The following CRLF3 variants were observed in gnomAD, a reference collection of about 807,000 sequenced individuals.
The protein encoded by CRLF3 is cytokine receptor-like factor 3.
In CRLF3, 33 loss-of-function variants were observed where a neutral mutation model predicts 55.0. The ratio of observed to expected loss-of-function variants is 0.60; its 90% CI spans 0.46 to 0.80. The LOEUF is 0.80. CRLF3 is among the 30% of genes least tolerant of loss of function. CRLF3 has a pLI of 0.00. For missense variants in CRLF3, 494 were observed against 538.4 expected (o/e 0.92, Z 0.82); for synonymous variants, 238 against 196.8 (o/e 1.21, Z -1.75).
At chr17:30,824,122 C>A (rs1206664471) in intron 1 of CRLF3, among the ~76,000 whole-genome samples, 1 of 151,990 alleles carries the variant, frequency 6.6e-6, no homozygotes, top group African/African-American at 2.4e-5. Context: ...TGTCCCACCT[C>A]TTCCTCAGGC....
At chr17:30,810,278 G>C (rs1413646991) in intron 1 of CRLF3, among the ~76,000 whole-genome samples, 2 of 152,066 alleles carry the variant, frequency 1.3e-5, no homozygotes, top group African/African-American at 4.8e-5. Flanking sequence ...CAAAGTTTTG[G>C]CCTGAGCACA....
chr17:30,798,615 G>A (rs1362892152), intron 2 of CRLF3, among the ~76,000 whole-genome samples: 1 of 151,926 alleles, frequency 6.6e-6, no homozygotes, highest in Non-Finnish European at 1.5e-5. Flanking sequence ...GAGGCTGGTG[G>A]GTCACCTGGG....
chr17:30,800,015 C>T lies in CRLF3; in HGVS notation c.338-2617G>A, dbSNP rs377093747. Among the ~76,000 whole-genome samples the T allele has an allele frequency of 1.9e-4, 29 of 152,210 alleles. No individual in the cohort carries two copies. The East Asian group carries it at 4.2e-3, about 22-fold the overall frequency. ...CATTGAAGACAAGACAAAAATGTAA[C>T]CAGCAATGTCAAGATAACACCCATA... On this transcript the variant is annotated intron_variant, in intron 2 of 7. Transcript: ENST00000324238.
Position 30,783,916 on chromosome 17 carries a change from C to T in CRLF3, c.*271G>A, listed in dbSNP as rs1201717355. 1 of 350,444 alleles carries T rather than the reference C, an allele frequency of 2.9e-6. No homozygotes were observed. The highest frequency in any genetic ancestry group is 8.4e-4 in the Middle Eastern group (1 of 1,190). The allele number at this position is 350,444 out of a possible 1,614,324, so 21.7% of individuals were successfully genotyped here. A position where few individuals can be genotyped will look rare whatever the true frequency, so the allele number is the denominator to read the frequency against. ...AGTACAGTGGAAGGGTATAGAACTT[C>T]CTATATCTTCTATACTTTTAATGCC... On this transcript the variant is annotated 3_prime_UTR_variant, in exon 8 of 8. Transcript: ENST00000324238.
At chr17:30,796,839 T>C (rs961595860) in intron 3 of CRLF3, among the ~76,000 whole-genome samples, 3 of 151,436 alleles carry the variant, frequency 2.0e-5, no homozygotes, top group Non-Finnish European at 4.4e-5. Context: ...CTCTCTTGCC[T>C]CAGCCTCTCG....
chr17:30,803,818 A>G, intron 2 of CRLF3, 83 bp downstream of exon 2: 1 of 1,043,602 alleles, frequency 9.6e-7, no homozygotes, highest in Non-Finnish European at 1.5e-6. Flanking sequence ...TTCTTTTGTA[A>G]ATTGCCCAGT....
In CRLF3 at chr17:30,804,098, C is replaced by G. The variant is rs755371282; in HGVS notation, c.140G>C (p.Ser47Thr). ...LREARRQIKE[S>T]ASQTRDVLKQ... ...GAGAACATCCCTTGTCTGTGATGCA[C>G]TTTCTTTGATCTAAAAAGAAATAAC... The change falls in exon 2 of 8, where the codon AGT (serine) becomes ACT (threonine). Residue 47 changes from serine (S) to threonine (T), a missense_variant. Coordinates refer to ENST00000324238, the MANE Select transcript of CRLF3 (RefSeq NM_015986.4). The G allele has an allele frequency of 3.7e-6, 6 of 1,610,486 alleles. No homozygotes were observed. The highest frequency in any genetic ancestry group is 5.1e-6 in the Non-Finnish European group (6 of 1,177,588).
intron 7 of CRLF3, 135 bp downstream of exon 7, chr17:30,785,781 TAAA>T (rs55664579): frequency 1.0e-3 from 436 of 426,568 alleles, no homozygotes; most frequent in Middle Eastern, 3.1e-3. Context: ...GACTTCATAA[TAAA>T]AAAAAAAAAA....
intron 2 of CRLF3, among the ~76,000 whole-genome samples, chr17:30,797,722 C>A (rs570294163): frequency 1.3e-5 from 2 of 151,162 alleles, no homozygotes; most frequent in Non-Finnish European, 2.9e-5. Context: ...TTATGAACTT[C>A]AATAGGAGCC....
At chr17:30,807,655 C>T (rs756472220) in intron 1 of CRLF3, among the ~76,000 whole-genome samples, 17 of 148,698 alleles carry the variant, frequency 1.1e-4, no homozygotes, top group South Asian at 6.4e-4. Context: ...GCCTTAGTCT[C>T]CTGAGTAGCT....
intron 2 of CRLF3, chr17:30,801,423 A>G (rs1427803893): frequency 6.6e-6 from 1 of 151,610 alleles, no homozygotes; most frequent in Non-Finnish European, 1.5e-5. Flanking sequence ...CACCGTGCCC[A>G]GTTTCTAATA....
At chr17:30,807,125 T>A (rs1371218752) in intron 1 of CRLF3, among the ~76,000 whole-genome samples, 1 of 152,120 alleles carries the variant, frequency 6.6e-6, no homozygotes. Context: ...ATGGGAAAAT[T>A]CTAACTATAA....
intron 1 of CRLF3, among the ~76,000 whole-genome samples, chr17:30,814,833 C>G (rs534639605): frequency 6.6e-6 from 1 of 151,842 alleles, no homozygotes; most frequent in Non-Finnish European, 1.5e-5. Flanking sequence ...GAAACCCCAT[C>G]TCTACTAAAA....
chr17:30,790,667 A>G (rs1341055261), intron 6 of CRLF3: 1 of 121,856 alleles, frequency 8.2e-6, no homozygotes, highest in Non-Finnish European at 1.6e-5. Context: ...CCCAGGCTGG[A>G]GTGCAGTGGC....
At chr17:30,796,885 C>T (rs1357850717) in intron 3 of CRLF3, among the ~76,000 whole-genome samples, 4 of 151,740 alleles carry the variant, frequency 2.6e-5, no homozygotes, top group Non-Finnish European at 5.9e-5. Context: ...CCACCATGCC[C>T]GGATAATTTT....
intron 2 of CRLF3, among the ~76,000 whole-genome samples, chr17:30,801,814 T>A (rs1041230953): frequency 3.3e-5 from 5 of 151,936 alleles, no homozygotes; most frequent in African/African-American, 7.2e-5. Flanking sequence ...ATTTTTTTTT[T>A]AAATGCACAT....
chr17:30,788,405 G>C (rs1039823244), intron 6 of CRLF3, among the ~76,000 whole-genome samples: 1 of 151,454 alleles, frequency 6.6e-6, no homozygotes, highest in Non-Finnish European at 1.5e-5. Flanking sequence ...CAAGGAAAGA[G>C]CAGGAATGTT....
At chr17:30,811,848 C>T (rs548200787) in intron 1 of CRLF3, among the ~76,000 whole-genome samples, 16 of 142,346 alleles carry the variant, frequency 1.1e-4, no homozygotes, top group South Asian at 2.2e-4. Flanking sequence ...CGGTGGCTCA[C>T]GCCTGTAACC....
chr17:30,791,135 G>C (rs1044023877), intron 6 of CRLF3, among the ~76,000 whole-genome samples: 45 of 151,726 alleles, frequency 3.0e-4, no homozygotes, highest in African/African-American at 1.0e-3. Flanking sequence ...AGGCTGAAGT[G>C]CAATGGCTCA....
Sources: allele counts gnomAD v4.1 joint callset (sites outside exome capture counted in the v4.1 genomes callset), GRCh38; gene constraint gnomAD v4.1.1; transcripts MANE v1.5; gene names NCBI Gene and HGNC (gene_info 2026-07-23, HGNC 2026-07-21).